Variants in FHIP2A observed in about 807,000 individuals in gnomAD.
The protein encoded by FHIP2A is family with sequence similarity 160 member B1.
FHIP2A carries 46 observed loss-of-function variants against 93.5 expected under a neutral mutation model. That is an observed-to-expected ratio of 0.49 (90% CI 0.39 to 0.63). The LOEUF (loss-of-function observed/expected upper bound fraction) is 0.63. Ranked by LOEUF, FHIP2A falls within the 20% of genes least tolerant of loss-of-function variation. The pLI is 0.00. For synonymous variants in FHIP2A, 332 were observed against 326.5 expected, an observed-to-expected ratio of 1.02 and a Z score of -0.18; for missense variants, 769 against 909.7, an observed-to-expected ratio of 0.85 and a Z score of 1.99.
intron 14 of FHIP2A, among the ~76,000 whole-genome samples, chr10:114,856,175 G>A (rs530892563): frequency 4.2e-4 from 64 of 152,246 alleles, no homozygotes; most frequent in African/African-American, 1.5e-3. Flanking sequence ...TACTAAGTAG[G>A]CTGTCTTCAG....
rs74473020 is a variant in FHIP2A at position 114,882,505 on chromosome 10, G to A, written c.2193-16985G>A. On this transcript the variant is annotated intron_variant, in intron 16 of 16. Transcript: ENST00000369250. ...AAGAAGTGCTAGGCAGTGTTTGAAA[G>A]GCAGATTTTGTTTGGGGGGGTCAGA... 3.9e-3 allele frequency among the ~76,000 whole-genome samples: 595 copies of A among 152,314 alleles called. 5 individuals carry two copies. The highest frequency in any genetic ancestry group is 0.014 in the African/African-American group (574 of 41,566).
At chr10:114,845,265 A>G (rs2143011371) in intron 7 of FHIP2A, 102 bp from the exon 8 acceptor site, 2 of 634,632 alleles carry the variant, frequency 3.2e-6, no homozygotes, top group East Asian at 5.1e-5. Flanking sequence ...AATGTACCAT[A>G]CTATCTGAGT....
intron 5 of FHIP2A, among the ~76,000 whole-genome samples, chr10:114,841,700 G>T (rs1012178744): frequency 2.6e-5 from 4 of 151,834 alleles, no homozygotes; most frequent in African/African-American, 9.7e-5. Context: ...CAAGAAGATT[G>T]GTCTAACCTA....
At chr10:114,870,243 T>C (rs953874914) in intron 16 of FHIP2A, among the ~76,000 whole-genome samples, 3 of 152,206 alleles carry the variant, frequency 2.0e-5, no homozygotes, top group African/African-American at 7.2e-5. Flanking sequence ...AAGAAAGATG[T>C]TGGATAGGCG....
chr10:114,878,791 A>AGAAAGAAAGAAAG (rs1555247327), intron 16 of FHIP2A, among the ~76,000 whole-genome samples: 1 of 135,464 alleles, frequency 7.4e-6, no homozygotes, highest in Admixed American at 7.7e-5. Flanking sequence ...AAAAAAAAAA[A>AGAAAGAAAGAAAG]AAAGAAAGAA....
intron 16 of FHIP2A, among the ~76,000 whole-genome samples, chr10:114,892,030 T>A (rs980060661): frequency 6.6e-6 from 1 of 152,040 alleles, no homozygotes; most frequent in African/African-American, 2.4e-5. Context: ...AGAAACAATA[T>A]TAACCACAAA....
chr10:114,893,977 T>A (rs1592037121), intron 16 of FHIP2A, among the ~76,000 whole-genome samples: 1 of 152,042 alleles, frequency 6.6e-6, no homozygotes, highest in African/African-American at 2.4e-5. Context: ...TATGGGTGAT[T>A]TTCATCTTAT....
chr10:114,861,176 A>C, intron 15 of FHIP2A, 55 bp from the exon 16 acceptor site: 1 of 1,594,016 alleles, frequency 6.3e-7, no homozygotes, highest in Non-Finnish European at 8.5e-7. Flanking sequence ...TTAGATCCTG[A>C]GGTTGTCTGT....
chr10:114,872,028 ATTTAATGTTATATTTTATCTTCC>A (rs1455629992), intron 16 of FHIP2A, among the ~76,000 whole-genome samples: 1 of 152,220 alleles, frequency 6.6e-6, no homozygotes, highest in South Asian at 2.1e-4. Flanking sequence ...CGTTGGCCTG[ATTTAATGTTATATTTTATCTTCC>A]TTTGAAACTT....
chr10:114,841,292 G>GAT (rs745506837), intron 5 of FHIP2A, among the ~76,000 whole-genome samples: 1 of 125,058 alleles, frequency 8.0e-6, no homozygotes, highest in Admixed American at 9.0e-5. Context: ...TATGCCATTG[G>GAT]TTTTTTTTTT....
intron 16 of FHIP2A, among the ~76,000 whole-genome samples, chr10:114,877,668 G>A (rs2083896288): frequency 6.6e-6 from 1 of 152,088 alleles, no homozygotes; most frequent in Non-Finnish European, 1.5e-5. Context: ...ATTGGTGGCA[G>A]GCACCAAGGG....
chr10:114,859,415 G>C (rs888367729), intron 14 of FHIP2A, among the ~76,000 whole-genome samples: 1 of 151,750 alleles, frequency 6.6e-6, no homozygotes, highest in Admixed American at 6.5e-5. Context: ...AGGCTTTGCA[G>C]GTTGTTCAGT....
At chr10:114,841,780 ATTCAGCCTTTAATAT>A (rs2083670359) in intron 5 of FHIP2A, among the ~76,000 whole-genome samples, 1 of 152,332 alleles carries the variant, frequency 6.6e-6, no homozygotes, top group East Asian at 1.9e-4. Flanking sequence ...CCCTGAATTC[ATTCAGCCTTTAATAT>A]GTTTCTATGA....
At chr10:114,861,087 G>A (rs910442716) in intron 15 of FHIP2A, 144 bp from the exon 16 acceptor site, 94 of 1,111,712 alleles carry the variant, frequency 8.5e-5, no homozygotes, top group Admixed American at 1.4e-4. Context: ...TTAGGTATGA[G>A]TCCTTGGTTA....
At position 114,843,227 on chromosome 10, in the gene FHIP2A, G is replaced by A; in HGVS notation, c.816+1G>A. On this transcript the variant is annotated splice_donor_variant, in intron 6 of 16. Coordinates refer to ENST00000369248, the MANE Select transcript of FHIP2A (RefSeq NM_020940.4). LOFTEE classifies it high-confidence loss of function. ...TTTGTTAAATCTTACTAGAAGTCCT[G>A]TGAGTTATGGTCCTTACTTTTTCCC... 2 of 1,603,392 alleles carry A rather than the reference G, an allele frequency of 1.2e-6. No homozygotes were observed. Among genetic ancestry groups the A allele is most frequent in the Non-Finnish European group, 1.7e-6 (2 of 1,171,762 alleles).
intron 16 of FHIP2A, among the ~76,000 whole-genome samples, chr10:114,894,498 C>T (rs530823186): frequency 1.2e-4 from 19 of 152,104 alleles, no homozygotes; most frequent in African/African-American, 4.3e-4. Flanking sequence ...AGTCCGGGGA[C>T]GTCAAGGCTG....
At chr10:114,885,000 T>C (rs1300165482) in intron 16 of FHIP2A, among the ~76,000 whole-genome samples, 1 of 151,956 alleles carries the variant, frequency 6.6e-6, no homozygotes, top group African/African-American at 2.4e-5. Flanking sequence ...GCTGCCATTA[T>C]CATCATTTTG....
intron 1 of FHIP2A, among the ~76,000 whole-genome samples, chr10:114,824,587 CT>C (rs1372039276): frequency 3.9e-5 from 6 of 152,138 alleles, no homozygotes; most frequent in African/African-American, 9.7e-5. Flanking sequence ...CTATACTAAC[CT>C]TTTTTTCCCC....
At position 114,837,993 on chromosome 10, in the gene FHIP2A, G is replaced by A. The variant is rs544912847; in HGVS notation, c.522+1747G>A. Among the ~76,000 whole-genome samples the A allele has an allele frequency of 2.6e-4, 39 of 152,248 alleles. No individual in the cohort carries two copies. In the Middle Eastern group the frequency reaches 0.017, roughly 66 times the overall value. ...AAGAACATCACACACAGATTTTTGC[G>A]TGGATTTAGGTTTTCATGTCACTTG... On this transcript the variant is annotated intron_variant, in intron 5 of 16. Coordinates refer to ENST00000369248, the MANE Select transcript of FHIP2A (RefSeq NM_020940.4).
Sources: gnomAD v4.1 joint callset for allele counts (sites outside exome capture counted in the v4.1 genomes callset) on GRCh38, gnomAD v4.1.1 for gene constraint, MANE v1.5 for transcripts, NCBI Gene and HGNC (gene_info 2026-07-23, HGNC 2026-07-21) for gene names.